The following LGSN variants were observed in gnomAD, a reference collection of about 807,000 sequenced individuals.
LGSN encodes lengsin.
In LGSN, 21 loss-of-function variants were observed where a neutral mutation model predicts 19.5. The observed-to-expected ratio is 1.07, with a 90% CI of 0.76 to 1.55. LGSN has a LOEUF of 1.55. Ranked by LOEUF, LGSN falls within the 40% of genes most tolerant of loss-of-function variation. LGSN has a pLI of 0.00. For synonymous variants in LGSN, 257 were observed against 215.6 expected (o/e 1.19, Z -1.68); for missense variants, 673 against 608.5 (o/e 1.11, Z -1.12).
At chr6:63,375,068 A>T in the LGSN span, among the ~76,000 whole-genome samples, 1 of 152,182 alleles carries the variant, frequency 6.6e-6, no homozygotes, top group Non-Finnish European at 1.5e-5. Flanking sequence ...CTCTATTGTT[A>T]TTGATGTCAT....
At chr6:63,531,345 C>G in the LGSN span, among the ~76,000 whole-genome samples, 309 of 151,982 alleles carry the variant, frequency 2.0e-3, 1 homozygote, top group Middle Eastern at 0.014. Context: ...TCTGGGGGTT[C>G]TCTTTAACTA....
chr6:63,456,201 G>A, the LGSN span, among the ~76,000 whole-genome samples: 3 of 151,552 alleles, frequency 2.0e-5, no homozygotes, highest in African/African-American at 4.8e-5. Context: ...CTGTACTCCA[G>A]CCCTGGGGAC....
chr6:63,452,191 A>G, the LGSN span, among the ~76,000 whole-genome samples: 1 of 151,942 alleles, frequency 6.6e-6, no homozygotes, highest in Non-Finnish European at 1.5e-5. Context: ...AATGTTTGGT[A>G]GGTTTCACCA....
chr6:63,353,467 T>A, the LGSN span, among the ~76,000 whole-genome samples: 1 of 151,798 alleles, frequency 6.6e-6, no homozygotes, highest in Non-Finnish European at 1.5e-5. Flanking sequence ...GAGTATTTTG[T>A]AGGGAACCAT....
At chr6:63,355,118 G>A in the LGSN span, among the ~76,000 whole-genome samples, 1 of 152,146 alleles carries the variant, frequency 6.6e-6, no homozygotes, top group Non-Finnish European at 1.5e-5. Context: ...GACTTGAAAT[G>A]TTCCCAACAC....
At chr6:63,299,026 A>G (rs763542940) in intron 1 of LGSN, among the ~76,000 whole-genome samples, 54 of 152,236 alleles carry the variant, frequency 3.5e-4, no homozygotes, top group Non-Finnish European at 6.5e-4. Flanking sequence ...GCCCTCAAGT[A>G]AAGTAGGCTT....
chr6:63,513,927 A>C, the LGSN span, among the ~76,000 whole-genome samples: 27 of 148,980 alleles, frequency 1.8e-4, no homozygotes, highest in African/African-American at 6.7e-4. Context: ...AAAAAAAAAA[A>C]AAAAAAAAAC....
the LGSN span, among the ~76,000 whole-genome samples, chr6:63,412,525 A>AAG: frequency 1.2e-5 from 1 of 84,226 alleles, no homozygotes; most frequent in Admixed American, 1.3e-4. Context: ...AAAGAAAGAA[A>AAG]GAAGGAAAGA....
At chr6:63,440,465 C>G in the LGSN span, among the ~76,000 whole-genome samples, 9 of 152,182 alleles carry the variant, frequency 5.9e-5, no homozygotes, top group Admixed American at 1.3e-4. Context: ...ATGTGTCTGT[C>G]TGCCTAAATT....
the LGSN span, among the ~76,000 whole-genome samples, chr6:63,457,976 T>G: frequency 6.6e-6 from 1 of 152,200 alleles, no homozygotes; most frequent in South Asian, 2.1e-4. Flanking sequence ...GTTGGAAACC[T>G]TTATTTAATG....
At chr6:63,548,335 C>G in the LGSN span, among the ~76,000 whole-genome samples, 4 of 152,326 alleles carry the variant, frequency 2.6e-5, no homozygotes, top group African/African-American at 9.6e-5. Flanking sequence ...ACAATATCTA[C>G]CTCATGGGTT....
At chr6:63,317,555 A>C (rs1768911359) in intron 1 of LGSN, among the ~76,000 whole-genome samples, 1 of 152,210 alleles carries the variant, frequency 6.6e-6, no homozygotes, top group South Asian at 2.1e-4. Context: ...ATAAACCTTG[A>C]AATCTTCAGA....
intron 2 of LGSN, among the ~76,000 whole-genome samples, chr6:63,293,482 A>G (rs1767851778): frequency 6.6e-6 from 1 of 152,228 alleles, no homozygotes; most frequent in South Asian, 2.1e-4. Context: ...TGAACAGCCT[A>G]AAGGGTAAAG....
At chr6:63,456,154 C>T in the LGSN span, among the ~76,000 whole-genome samples, 8 of 151,376 alleles carry the variant, frequency 5.3e-5, no homozygotes, top group South Asian at 4.2e-4. Flanking sequence ...CCCTTGAATC[C>T]GGGAGGTAAA....
chr6:63,433,204 AAAT>A, the LGSN span, among the ~76,000 whole-genome samples: 5 of 152,316 alleles, frequency 3.3e-5, no homozygotes, highest in East Asian at 9.6e-4. Context: ...TTATTGCTCT[AAAT>A]AATAATAATC....
chr6:63,319,992 A>C, upstream of LGSN: 1 of 1,390,572 alleles, frequency 7.2e-7, no homozygotes, highest in South Asian at 1.2e-5. Context: ...TCCTCAACAA[A>C]TGCATTCAAC....
the LGSN span, among the ~76,000 whole-genome samples, chr6:63,353,973 C>A: frequency 6.6e-6 from 1 of 152,068 alleles, no homozygotes; most frequent in Non-Finnish European, 1.5e-5. Context: ...ACCCCTATCT[C>A]TCACTACATA....
chr6:63,451,509 A>G, the LGSN span, among the ~76,000 whole-genome samples: 1 of 152,208 alleles, frequency 6.6e-6, no homozygotes, highest in Non-Finnish European at 1.5e-5. Flanking sequence ...CAAATACCAC[A>G]TAGTTGTAGC....
chr6:63,465,295 C>G, the LGSN span, among the ~76,000 whole-genome samples: 1 of 152,132 alleles, frequency 6.6e-6, no homozygotes, highest in Non-Finnish European at 1.5e-5. Context: ...ATTCTCCTGT[C>G]TCAGCCTCCT....
Sources: gnomAD v4.1 joint callset for allele counts (sites outside exome capture counted in the v4.1 genomes callset) on GRCh38, gnomAD v4.1.1 for gene constraint, MANE v1.5 for transcripts, NCBI Gene and HGNC (gene_info 2026-07-23, HGNC 2026-07-21) for gene names.